The following ARHGAP35 variants were observed in gnomAD, a reference collection of about 807,000 sequenced individuals.
The protein encoded by ARHGAP35 is Rho GTPase activating protein 35, also known as rho GTPase-activating protein 35.
A neutral mutation model predicts 111.1 loss-of-function variants in ARHGAP35; 15 were observed. That is an observed-to-expected ratio of 0.13 (90% confidence interval 0.09 to 0.21). ARHGAP35 has a LOEUF of 0.21. ARHGAP35 is among the 10% of genes least tolerant of loss of function. The probability of loss-of-function intolerance (pLI) is 1.00; values close to 1 mark genes in which losing one functional copy is unlikely to be tolerated. For synonymous variants in ARHGAP35, 643 were observed against 710.3 expected (o/e 0.91, Z 1.51); for missense variants, 1,262 against 1,873.0 (o/e 0.67, Z 6.02).
chr19:46,904,159 C>A (rs189907721), intron 1 of ARHGAP35, among the ~76,000 whole-genome samples: 5 of 152,198 alleles, frequency 3.3e-5, no homozygotes, highest in Admixed American at 1.3e-4. Flanking sequence ...GGGCGCAAAG[C>A]CTTTCTTAGG....
At position 47,005,020 on chromosome 19, in the gene ARHGAP35, C is replaced by A. The variant is rs1013905000; in HGVS notation, c.*4332C>A. The stretch of plus-strand genomic sequence containing the variant: ...GTCTCAATGGGAATGGTGTAAAAAA[C>A]AAAAGGCCTTATGTGATCTGTATCA... On this transcript the variant is annotated 3_prime_UTR_variant, in exon 7 of 7. Transcript: ENST00000672722. The A allele has an allele frequency of 6.6e-6, 1 of 152,214 alleles. No homozygotes were observed. The highest frequency in any genetic ancestry group is 1.5e-5 in the Non-Finnish European group (1 of 68,032). 9.4% of individuals were successfully genotyped at this position (152,214 alleles called of 1,614,324 possible).
chr19:46,915,718 T>C (rs1213664776), intron 1 of ARHGAP35, among the ~76,000 whole-genome samples: 1 of 152,238 alleles, frequency 6.6e-6, no homozygotes, highest in Admixed American at 6.5e-5. Flanking sequence ...AGAATGTTCA[T>C]TTGGCTGCAG....
At chr19:46,998,987 C>T (rs1241313166) in intron 5 of ARHGAP35, 2 of 300,538 alleles carry the variant, frequency 6.7e-6, no homozygotes, top group Non-Finnish European at 1.2e-5. Flanking sequence ...CAGGGGCAAC[C>T]GGATGAGCAA....
chr19:46,890,116 A>G (rs951064610), intron 1 of ARHGAP35, among the ~76,000 whole-genome samples: 1 of 152,212 alleles, frequency 6.6e-6, no homozygotes, highest in African/African-American at 2.4e-5. Flanking sequence ...TTAGAGTAAC[A>G]CTGAGCCCCA....
intron 3 of ARHGAP35, among the ~76,000 whole-genome samples, chr19:46,954,674 C>G (rs1251161147): frequency 5.3e-5 from 8 of 152,214 alleles, no homozygotes; most frequent in African/African-American, 1.7e-4. Context: ...TGGCTGGCAT[C>G]CTTTGGCTAT....
At chr19:46,980,542 T>A (rs1033448365) in intron 3 of ARHGAP35, among the ~76,000 whole-genome samples, 1 of 152,170 alleles carries the variant, frequency 6.6e-6, no homozygotes, top group African/African-American at 2.4e-5. Flanking sequence ...AGAACCAAGG[T>A]CATTTTGGTG....
At chr19:46,885,588 A>G (rs983037469) in intron 1 of ARHGAP35, among the ~76,000 whole-genome samples, 3 of 152,136 alleles carry the variant, frequency 2.0e-5, no homozygotes, top group African/African-American at 4.8e-5. Flanking sequence ...GTGATTTCAT[A>G]TACTAACCTT....
chr19:46,962,303 T>G (rs1477985656), intron 3 of ARHGAP35, among the ~76,000 whole-genome samples: 1 of 152,346 alleles, frequency 6.6e-6, no homozygotes, highest in East Asian at 1.9e-4. Flanking sequence ...GCTCAGGGTT[T>G]CTGAGAGCCT....
Position 46,992,128 on chromosome 19 carries a change from T to G in ARHGAP35, c.4036+2453T>G, listed in dbSNP as rs1427554983. 6.6e-6 allele frequency among the ~76,000 whole-genome samples: 1 copy of G among 152,150 alleles called. No homozygotes were observed. The highest frequency in any genetic ancestry group is 1.5e-5 in the Non-Finnish European group (1 of 68,018). ...ACAGCAGCAGCAACCGCACCGCCCATGGCCTGTGTGCCTGCCTAGGCTGGG... is the reference window on the plus strand; with the variant it reads ...ACAGCAGCAGCAACCGCACCGCCCAGGGCCTGTGTGCCTGCCTAGGCTGGG... On this transcript the variant is annotated intron_variant, in intron 5 of 6. Coordinates refer to ENST00000672722, the MANE Select transcript of ARHGAP35 (RefSeq NM_004491.5). The surrounding 1 kb of genome is among the most constrained non-coding windows in gnomAD (Gnocchi z 4.4).
rs533869196 is a variant in ARHGAP35, at chr19:46,888,234, A to G, written c.-189+27025A>G. Among the ~76,000 whole-genome samples the G allele has an allele frequency of 5.5e-4, 70 of 127,152 alleles. 1 individual carries two copies. The East Asian group carries it at 0.011, about 20-fold the overall frequency. The allele number at this position is 127,152 out of a possible 152,430, so 83.4% of individuals were successfully genotyped here. Reference sequence around the variant, plus strand: ...CCCAAAGTGCTGGGGTTACAGGCGTAAGCCACCGCACCCGGCCTCAATCAA... The same window carrying G: ...CCCAAAGTGCTGGGGTTACAGGCGTGAGCCACCGCACCCGGCCTCAATCAA... On this transcript the variant is annotated intron_variant, in intron 1 of 6. Transcript: ENST00000672722.
At chr19:46,869,436 G>A (rs2055875773) in intron 1 of ARHGAP35, among the ~76,000 whole-genome samples, 2 of 151,866 alleles carry the variant, frequency 1.3e-5, no homozygotes, top group African/African-American at 4.8e-5. Flanking sequence ...CTGCAGTCCT[G>A]CCTGGGTGAT....
intron 1 of ARHGAP35, among the ~76,000 whole-genome samples, chr19:46,912,397 C>T (rs1382641593): frequency 6.6e-6 from 1 of 151,498 alleles, no homozygotes; most frequent in Non-Finnish European, 1.5e-5. Context: ...CTCTGTCGCC[C>T]AGGCTGGAGT....
rs926748717 is a variant in ARHGAP35 at position 46,920,336 on chromosome 19, C to G, written c.1661C>G (p.Pro554Arg). ...AAACACATTCATTTTGTGTACCACC[C>G]AACAAAGGAGACATGCCCCAGCTGC... ...ILKHIHFVYH[P>R]TKETCPSCPA... The change falls in exon 2 of 7, where the codon CCA (proline) becomes CGA (arginine). Residue 554 changes from proline to arginine, a missense_variant. Pro to Arg is a moderately radical substitution (Grantham distance 103, BLOSUM62 -2). Around this residue, in one of 8 missense-constraint regions of ARHGAP35, gnomAD observed 328 missense variants for 440.8 expected, o/e 0.74. Transcript: ENST00000672722. This position sits in a 1 kb window ranked among gnomAD's most constrained non-coding sequence, Gnocchi z 7.0. 1.2e-6 allele frequency: 2 copies of G among 1,613,810 alleles called. No individual in the cohort carries two copies. The highest frequency in any genetic ancestry group is 8.5e-7 in the Non-Finnish European group (1 of 1,179,894).
At chr19:46,907,304 G>A (rs1415075625) in intron 1 of ARHGAP35, among the ~76,000 whole-genome samples, 3 of 150,992 alleles carry the variant, frequency 2.0e-5, no homozygotes, top group Non-Finnish European at 4.4e-5. Context: ...CCGCCACCAC[G>A]CTCGGCTGAT....
intron 1 of ARHGAP35, among the ~76,000 whole-genome samples, chr19:46,907,728 C>CT (rs1346023259): frequency 6.6e-6 from 1 of 152,166 alleles, no homozygotes; most frequent in African/African-American, 2.4e-5. Context: ...CCGCCCGCCT[C>CT]TGCCTCCCAA....
At chr19:46,997,053 A>G (rs1182281914) in intron 5 of ARHGAP35, among the ~76,000 whole-genome samples, 1 of 152,152 alleles carries the variant, frequency 6.6e-6, no homozygotes, top group Non-Finnish European at 1.5e-5. Context: ...GCTACTTGGG[A>G]GGCTGAGGCA....
chr19:46,874,739 G>A (rs2055907661), intron 1 of ARHGAP35, among the ~76,000 whole-genome samples: 2 of 150,364 alleles, frequency 1.3e-5, no homozygotes, highest in African/African-American at 2.5e-5. Flanking sequence ...TCCTGACCTC[G>A]TGGTCCAGCC....
chr19:46,921,229 G>C lies in ARHGAP35; in HGVS notation c.2554G>C (p.Val852Leu). Residue 852 changes from valine to leucine, a missense_variant, in exon 2 of 7, where the codon GTT becomes CTT. Around this residue, in one of 8 missense-constraint regions of ARHGAP35, gnomAD observed 579 missense variants for 716.9 expected, o/e 0.81. Coordinates refer to ENST00000672722, the MANE Select transcript of ARHGAP35 (RefSeq NM_004491.5). This position sits in a 1 kb window ranked among gnomAD's most constrained non-coding sequence, Gnocchi z 4.3. Reference sequence around the variant, plus strand: ...CTTTAGCATCAGAAAGAGCCGGTTGGTTCATGGGTACATTGTTTTTTATTC... The same window carrying C: ...CTTTAGCATCAGAAAGAGCCGGTTGCTTCATGGGTACATTGTTTTTTATTC... ...SSFSIRKSRL[V>L]HGYIVFYSAK... 6.2e-7 allele frequency: 1 copy of C among 1,613,996 alleles called. No homozygotes were observed. The highest frequency in any genetic ancestry group is 8.5e-7 in the Non-Finnish European group (1 of 1,179,894).
intron 1 of ARHGAP35, among the ~76,000 whole-genome samples, chr19:46,907,552 C>T (rs1412907417): frequency 6.6e-6 from 1 of 151,874 alleles, no homozygotes; most frequent in Non-Finnish European, 1.5e-5. Flanking sequence ...GAACTCGGCT[C>T]ACTGCAAGCT....
Sources: allele counts gnomAD v4.1 joint callset (sites outside exome capture counted in the v4.1 genomes callset), GRCh38; gene constraint gnomAD v4.1.1; regional missense constraint gnomAD v4.1.1; non-coding constraint Gnocchi (gnomAD v3.1); transcripts MANE v1.5; gene names NCBI Gene and HGNC (gene_info 2026-07-23, HGNC 2026-07-21).